Variants in PLXNB1 observed in about 807,000 individuals in gnomAD.
PLXNB1 encodes the protein plexin B1.
In PLXNB1, 106 loss-of-function variants were observed where a neutral mutation model predicts 209.4. The ratio of observed to expected loss-of-function variants is 0.51; its 90% confidence interval spans 0.43 to 0.59. PLXNB1 has a LOEUF of 0.59. PLXNB1 is among the 20% of genes least tolerant of loss of function. PLXNB1 has a pLI of 0.00. For missense variants in PLXNB1, 2,357 were observed against 2,853.2 expected (o/e 0.83, Z 3.96); for synonymous variants, 1,167 against 1,183.2 (o/e 0.99, Z 0.28).
chr3:48,421,073 AG>A, intron 8 of PLXNB1, 117 bp from the exon 9 acceptor site: 1 of 1,263,268 alleles, frequency 7.9e-7, no homozygotes, highest in Non-Finnish European at 1.1e-6. Context: ...ATACAGTCCA[AG>A]GGCACAGAAT....
chr3:48,408,454 G>A (rs1393605970), intron 34 of PLXNB1, among the ~76,000 whole-genome samples: 1 of 152,162 alleles, frequency 6.6e-6, no homozygotes, highest in African/African-American at 2.4e-5. Context: ...GGGTGCTTGA[G>A]CAGACACCTT....
In PLXNB1 at chr3:48,418,309, G is replaced by A; in HGVS notation, c.3104C>T (p.Ala1035Val). Residue 1035 changes from alanine (A) to valine (V), a missense_variant, in exon 15 of 38, where the codon GCC (alanine) becomes GTC (valine). By Grantham distance (64) the Ala-to-Val change is moderately conservative. Coordinates refer to ENST00000296440, the MANE Select transcript of PLXNB1 (RefSeq NM_001130082.3). The surrounding 1 kb of genome is among the most constrained non-coding windows in gnomAD (Gnocchi z 6.6). ...CCACACACAGCCATACTGGGGCATG[G>A]CAGTTTGGCAGCGGCTGCAGTCTCC... Reference protein sequence around the residue: ...GHGDCSRCQTAMPQYGCVWCE... With the variant: ...GHGDCSRCQTVMPQYGCVWCE... The A allele has an allele frequency of 1.9e-6, 3 of 1,613,776 alleles. No homozygotes were observed. Among genetic ancestry groups the A allele is most frequent in the Non-Finnish European group, 2.5e-6 (3 of 1,180,036 alleles).
intron 6 of PLXNB1, 69 bp downstream of exon 6, chr3:48,422,036 T>C (rs2038563075): frequency 6.9e-7 from 1 of 1,442,420 alleles, no homozygotes; most frequent in Non-Finnish European, 9.7e-7. Context: ...TCAGGAATTC[T>C]GGACAGGACA....
chr3:48,427,084 T>G (rs1226402231), intron 1 of PLXNB1, among the ~76,000 whole-genome samples: 1 of 152,176 alleles, frequency 6.6e-6, no homozygotes, highest in Middle Eastern at 3.2e-3. Flanking sequence ...CGTGCCAAAG[T>G]TCTCCAGCCC....
intron 8 of PLXNB1, 67 bp downstream of exon 8, chr3:48,421,161 T>A (rs2038490012): frequency 6.4e-7 from 1 of 1,554,662 alleles, no homozygotes; most frequent in Admixed American, 1.9e-5. Context: ...GGATTCACAC[T>A]TTAACCCCAC....
Position 48,413,821 on chromosome 3 carries a change from G to A in PLXNB1, c.4387-3C>T, listed in dbSNP as rs1197488712. ...AAGCGCAAGTTCCCCATCTGCACCTGTGTCAGGAGCCACCTGTGAGCAAGG... is the reference window on the plus strand; with the variant it reads ...AAGCGCAAGTTCCCCATCTGCACCTATGTCAGGAGCCACCTGTGAGCAAGG... On this transcript the variant is annotated splice_polypyrimidine_tract_variant and splice_region_variant and intron_variant, in intron 22 of 37. Coordinates refer to ENST00000296440, the MANE Select transcript of PLXNB1 (RefSeq NM_001130082.3). This position sits in a 1 kb window ranked among gnomAD's most constrained non-coding sequence, Gnocchi z 5.4. 6.2e-7 allele frequency: 1 copy of A among 1,612,716 alleles called. No individual in the cohort carries two copies.
chr3:48,420,263 G>T lies in PLXNB1; in HGVS notation c.2029-6C>A. On this transcript the variant is annotated splice_region_variant and splice_polypyrimidine_tract_variant and intron_variant, in intron 10 of 37. Transcript: ENST00000296440. The stretch of plus-strand genomic sequence containing the variant: ...TCTGGGGAGACAAGCGGGCTCTGAA[G>T]GGGGAGGCAGAGGAAGACAGGAAGG... 1 of 1,530,586 alleles carries T rather than the reference G, an allele frequency of 6.5e-7. No homozygotes were observed. The highest frequency in any genetic ancestry group is 8.8e-7 in the Non-Finnish European group (1 of 1,135,612). The allele number at this position is 1,530,586 out of a possible 1,614,324, so 94.8% of individuals were successfully genotyped here. A position where few individuals can be genotyped will look rare whatever the true frequency, so the allele number is the denominator to read the frequency against.
chr3:48,412,211 G>A lies in PLXNB1; in HGVS notation c.5100+27C>T, dbSNP rs1418770154. On this transcript the variant is annotated intron_variant, in intron 27 of 37. Transcript: ENST00000296440. Reference sequence around the variant, plus strand: ...GGAGGGCCTGACCCTCCCTGGACAGGAGCCCTGTCCACCTCTGCCCCCTCA... The same window carrying A: ...GGAGGGCCTGACCCTCCCTGGACAGAAGCCCTGTCCACCTCTGCCCCCTCA... 3.1e-6 allele frequency: 5 copies of A among 1,611,144 alleles called. No individual in the cohort carries two copies. In the South Asian group the frequency reaches 4.4e-5, roughly 14 times the overall value.
Position 48,407,089 on chromosome 3 carries a change from G to T in PLXNB1, c.6090C>A (p.Asp2030Glu). 1 of 1,613,910 alleles carries T rather than the reference G, an allele frequency of 6.2e-7. No individual in the cohort carries two copies. The highest frequency in any genetic ancestry group is 8.5e-7 in the Non-Finnish European group (1 of 1,179,826). ...CTLADHKLGR[D>E]SPINKLLYAR... ...CATACAGAAGTTTGTTGATCGGGGA[G>T]TCCTGGACATAGCAGGAGGACAGCA... The change falls in exon 35 of 38, where the codon GAC (aspartate) becomes GAA (glutamate). Residue 2030 changes from aspartate to glutamate, a missense_variant and splice_region_variant. Asp to Glu is a conservative substitution (Grantham distance 45, BLOSUM62 2). Coordinates refer to ENST00000296440, the MANE Select transcript of PLXNB1 (RefSeq NM_001130082.3).
chr3:48,423,698 A>G lies in PLXNB1; in HGVS notation c.914T>C (p.Val305Ala), dbSNP rs1484783212. The stretch of plus-strand genomic sequence containing the variant: ...AGCAGCCGCCGATGGGGGCCGGCCC[A>G]CAGTGGGGGGTGCAGCCGAGGAGAA... ...AAFSSAAPPT[V>A]GRPPSAAAGA... is the part of the protein sequence containing the mutation. The change falls in exon 3 of 38, where the codon GTG becomes GCG. Residue 305 changes from valine (V) to alanine (A), a missense_variant. Physicochemically the swap from Val to Ala is moderately conservative, Grantham distance 64. Coordinates refer to ENST00000296440, the MANE Select transcript of PLXNB1 (RefSeq NM_001130082.3). The G allele has an allele frequency of 5.6e-6, 9 of 1,613,772 alleles. No homozygotes were observed. Among genetic ancestry groups the G allele is most frequent in the Non-Finnish European group, 7.6e-6 (9 of 1,179,902 alleles).
Position 48,412,584 on chromosome 3 carries a change from C to A in PLXNB1, c.4891G>T (p.Ala1631Ser), listed in dbSNP as rs752317700. Reference protein sequence around the residue: ...HTLESQRTFSARDRAYVASLL... With the variant: ...HTLESQRTFSSRDRAYVASLL... ...GATGCCACGTAGGCACGGTCCCGAG[C>A]TGAAAAGGTGCGCTGGCTCTCCAGC... is the stretch of plus-strand genomic sequence containing the variant. Residue 1631 changes from alanine to serine, a missense_variant, in exon 26 of 38, where the codon GCT becomes TCT. Transcript: ENST00000296440. 1.4e-5 allele frequency: 23 copies of A among 1,613,550 alleles called. No individual in the cohort carries two copies. Among genetic ancestry groups the A allele is most frequent in the Non-Finnish European group, 1.7e-5 (20 of 1,180,034 alleles).
rs2037516131 is a variant in PLXNB1 at position 48,409,431 on chromosome 3, A to G, written c.5985T>C (p.Phe1995=). 6.2e-7 allele frequency: 1 copy of G among 1,614,048 alleles called. No individual in the cohort carries two copies. Among genetic ancestry groups the G allele is most frequent in the African/African-American group, 1.3e-5 (1 of 74,926 alleles). ...FWINIIKNPQ[F]VFDVQTSDNM... Reference sequence around the variant, plus strand: ...TATCAGATGTTTGCACGTCGAACACAAACTGCGGGTTTTTTATTATATTGA... The same window carrying G: ...TATCAGATGTTTGCACGTCGAACACGAACTGCGGGTTTTTTATTATATTGA... The change falls in exon 34 of 38, where the codon TTT becomes TTC. Residue 1995 remains phenylalanine (F), a synonymous_variant. Transcript: ENST00000296440. The surrounding 1 kb of genome is among the most constrained non-coding windows in gnomAD (Gnocchi z 5.8).
At chr3:48,424,691 A>G (rs2038791606) in intron 2 of PLXNB1, 74 bp from the exon 3 acceptor site, 1 of 1,433,336 alleles carries the variant, frequency 7.0e-7, no homozygotes. Context: ...GGTAAGGGAT[A>G]GGACTGTGGC....
chr3:48,406,798 C>T lies in PLXNB1; in HGVS notation c.6228+25G>A, dbSNP rs2037338762. On this transcript the variant is annotated intron_variant, in intron 36 of 37. Transcript: ENST00000296440. This position sits in a 1 kb window ranked among gnomAD's most constrained non-coding sequence, Gnocchi z 4.4. ...GTTGTGGCAGGAGGCCTATGCCCAA[C>T]CCAAGAAGCAGAGGGAGGCCTTACC... The T allele has an allele frequency of 6.3e-7, 1 of 1,578,146 alleles. No individual in the cohort carries two copies. Among genetic ancestry groups the T allele is most frequent in the Non-Finnish European group, 8.6e-7 (1 of 1,162,700 alleles).
At position 48,418,191 on chromosome 3, in the gene PLXNB1, C is replaced by A; in HGVS notation, c.3222G>T (p.Ser1074=). The A allele has an allele frequency of 1.2e-6, 2 of 1,610,042 alleles. No individual in the cohort carries two copies. Among genetic ancestry groups the A allele is most frequent in the Non-Finnish European group, 1.7e-6 (2 of 1,178,474 alleles). ...ATQCPAPLIH[S]VEPLTGPVDG... ...AGGGATGGCCAGCCTTTCAACAAAC[C>A]GAGTGGATGAGGGGCGCTGGGCACT... Residue 1074 remains serine, a splice_region_variant and synonymous_variant, in exon 15 of 38, where the codon TCG becomes TCT. Transcript: ENST00000296440. The surrounding 1 kb of genome is among the most constrained non-coding windows in gnomAD (Gnocchi z 6.6).
intron 10 of PLXNB1, 25 bp from the exon 11 acceptor site, chr3:48,420,282 AG>A (rs1443122833): frequency 6.9e-7 from 1 of 1,442,558 alleles, no homozygotes; most frequent in Non-Finnish European, 9.4e-7. Flanking sequence ...AGAGGAAGAC[AG>A]GAAGGGCCAC....
chr3:48,421,839 C>G (rs1284253079), intron 6 of PLXNB1, 33 bp from the exon 7 acceptor site: 7 of 1,582,240 alleles, frequency 4.4e-6, no homozygotes, highest in African/African-American at 1.3e-5. Context: ...ATCTGTGACC[C>G]TCATGGGCCA....
At position 48,415,011 on chromosome 3, in the gene PLXNB1, G is replaced by C; in HGVS notation, c.3997C>G (p.Gln1333Glu). 6.2e-7 allele frequency: 1 copy of C among 1,613,502 alleles called. No individual in the cohort carries two copies. The highest frequency in any genetic ancestry group is 8.5e-7 in the Non-Finnish European group (1 of 1,179,978). ...FEEPCHVNSS[Q>E]LITCRTPALP... ...GCAGGTGTGCGGCACGTGATGAGCTGGGAGGAGTTGACATGGCACGGCTCC... is the reference window on the plus strand; with the variant it reads ...GCAGGTGTGCGGCACGTGATGAGCTCGGAGGAGTTGACATGGCACGGCTCC... The change falls in exon 21 of 38, where the codon CAG (glutamine) becomes GAG (glutamate). Residue 1333 changes from glutamine (Q) to glutamate (E), a missense_variant. Around this residue, in one of 7 missense-constraint regions of PLXNB1, gnomAD observed 743 missense variants for 896.2 expected, o/e 0.83. Transcript: ENST00000296440. The surrounding 1 kb of genome is among the most constrained non-coding windows in gnomAD (Gnocchi z 5.0).
Position 48,419,591 on chromosome 3 carries a change from C to A in PLXNB1, c.2695G>T (p.Gly899Trp). ...CTGGGCCTCACCAGCTCCCAGAGCC[C>A]GGGGGTGTCATACTGGTAGTCGAGG... ...SSLDYQYDTP[G>W]LWELEEATLG... The change falls in exon 11 of 38, where the codon GGG becomes TGG. Residue 899 changes from glycine (G) to tryptophan (W), a missense_variant. This residue lies in a region of PLXNB1 where 410 missense variants were observed against 401.0 expected (regional missense o/e 1.02). Transcript: ENST00000296440. This position sits in a 1 kb window ranked among gnomAD's most constrained non-coding sequence, Gnocchi z 5.7. 6.2e-7 allele frequency: 1 copy of A among 1,607,810 alleles called. No individual in the cohort carries two copies. The highest frequency in any genetic ancestry group is 8.5e-7 in the Non-Finnish European group (1 of 1,176,116).
Sources: allele counts gnomAD v4.1 joint callset (sites outside exome capture counted in the v4.1 genomes callset), GRCh38; gene constraint gnomAD v4.1.1; regional missense constraint gnomAD v4.1.1; non-coding constraint Gnocchi (gnomAD v3.1); transcripts MANE v1.5; gene names NCBI Gene and HGNC (gene_info 2026-07-23, HGNC 2026-07-21).